The following CSMD1 variants were observed in gnomAD, a reference collection of about 807,000 sequenced individuals.
CSMD1 encodes CUB and Sushi multiple domains 1.
Under a neutral mutation model 417.5 loss-of-function variants are expected in CSMD1, and 213 were observed. The observed-to-expected ratio is 0.51, with a 90% CI of 0.46 to 0.57. The LOEUF is 0.57. Among genes scored for constraint, CSMD1 ranks in the 20% least tolerant of loss-of-function variants. CSMD1 has a pLI of 0.00. For synonymous variants in CSMD1, 2,862 were observed against 1,736.8 expected (o/e 1.65, Z -16.11); for missense variants, 6,923 against 4,529.7 (o/e 1.53, Z -15.17).
chr8:2,957,929 G>C, intron 62 of CSMD1, 122 bp from the exon 63 acceptor site: 6 of 665,194 alleles, frequency 9.0e-6, no homozygotes, highest in Non-Finnish European at 1.6e-5. Context: ...TTAATGTCAA[G>C]CCACTGTCTA....
intron 3 of CSMD1, among the ~76,000 whole-genome samples, chr8:4,320,908 G>C (rs146071216): frequency 1.3e-5 from 2 of 152,182 alleles, no homozygotes; most frequent in East Asian, 3.9e-4. Context: ...TTCACTTATA[G>C]TATCTTCTTC....
At chr8:3,669,856 G>T (rs113866639) in intron 7 of CSMD1, among the ~76,000 whole-genome samples, 1 of 152,116 alleles carries the variant, frequency 6.6e-6, no homozygotes, top group African/African-American at 2.4e-5. Flanking sequence ...GCCATGAACA[G>T]GAGGGGCCCA....
intron 1 of CSMD1, among the ~76,000 whole-genome samples, chr8:4,641,581 G>T (rs187427038): frequency 6.6e-6 from 1 of 152,148 alleles, no homozygotes; most frequent in Non-Finnish European, 1.5e-5. Flanking sequence ...GAAGTAAGTT[G>T]TCCAAAGTCT....
At chr8:3,936,828 G>A (rs753038487) in intron 5 of CSMD1, among the ~76,000 whole-genome samples, 6 of 152,184 alleles carry the variant, frequency 3.9e-5, no homozygotes, top group Non-Finnish European at 8.8e-5. Context: ...GGCTATTGCT[G>A]CATGGAGAGT....
At chr8:3,509,641 A>G (rs1165768181) in intron 10 of CSMD1, among the ~76,000 whole-genome samples, 1 of 152,256 alleles carries the variant, frequency 6.6e-6, no homozygotes, top group Non-Finnish European at 1.5e-5. Context: ...GGAAGAAGCT[A>G]TAAGATATCA....
At chr8:3,155,798 G>C (rs573229408) in intron 39 of CSMD1, among the ~76,000 whole-genome samples, 4 of 152,124 alleles carry the variant, frequency 2.6e-5, no homozygotes, top group Admixed American at 2.0e-4. Context: ...TTTTTCACTT[G>C]TAAGCAACTA....
intron 12 of CSMD1, among the ~76,000 whole-genome samples, chr8:3,447,283 A>C (rs1815363804): frequency 1.3e-5 from 2 of 152,202 alleles, no homozygotes; most frequent in African/African-American, 4.8e-5. Context: ...TTTCAATAGA[A>C]TTAAATATTT....
intron 3 of CSMD1, among the ~76,000 whole-genome samples, chr8:4,188,275 A>T (rs779091977): frequency 9.9e-5 from 15 of 152,210 alleles, no homozygotes; most frequent in Admixed American, 3.9e-4. Context: ...CGCTTGCCCT[A>T]GACGTCGGTC....
chr8:3,054,433 CATGGTGAAA>C, intron 49 of CSMD1, among the ~76,000 whole-genome samples: 1 of 152,186 alleles, frequency 6.6e-6, no homozygotes, highest in Non-Finnish European at 1.5e-5. Flanking sequence ...GCCTGGGCAA[CATGGTGAAA>C]CCCTGTCTCT....
chr8:4,145,917 T>C (rs184185450), intron 3 of CSMD1, among the ~76,000 whole-genome samples: 2 of 151,120 alleles, frequency 1.3e-5, no homozygotes, highest in East Asian at 1.9e-4. Flanking sequence ...TGGCACATGA[T>C]TGGCCCCATT....
intron 1 of CSMD1, among the ~76,000 whole-genome samples, chr8:4,663,872 A>T (rs928993076): frequency 6.6e-6 from 1 of 152,186 alleles, no homozygotes; most frequent in Non-Finnish European, 1.5e-5. Flanking sequence ...CCTGGGCTGG[A>T]TCAGGAAAAG....
At chr8:3,579,459 A>T (rs1800290420) in intron 9 of CSMD1, among the ~76,000 whole-genome samples, 1 of 152,228 alleles carries the variant, frequency 6.6e-6, no homozygotes, top group South Asian at 2.1e-4. Context: ...ATTAAATTTA[A>T]ATTAGTGGGA....
rs762202208 is a variant in CSMD1 at position 3,196,223 on chromosome 8, G to A, written c.5194+3491C>T. Among the ~76,000 whole-genome samples, 10 of 152,134 alleles carry A rather than the reference G, an allele frequency of 6.6e-5. No individual in the cohort carries two copies. In the East Asian group the frequency reaches 1.5e-3, roughly 23 times the overall value. On this transcript the variant is annotated intron_variant, in intron 33 of 69. Transcript: ENST00000635120. ...GACAGTTTACAAATGCCATGGCAAT[G>A]CCAGGAAGTTACCCTAAAGGGTCTA...
At chr8:4,375,738 G>A (rs974138836) in intron 3 of CSMD1, among the ~76,000 whole-genome samples, 1 of 152,114 alleles carries the variant, frequency 6.6e-6, no homozygotes, top group Non-Finnish European at 1.5e-5. Flanking sequence ...CTTCCCGACT[G>A]CCTGCACCAT....
chr8:3,439,281 G>GTATATATATATATATATATATA lies in CSMD1; in HGVS notation c.1561+29409_1561+29430dup, dbSNP rs1168340584. On this transcript the variant is annotated intron_variant, in intron 12 of 69. Transcript: ENST00000635120. ...TATTTGAGAGCATTTGGCAATGTCAGTATATATATATATATATATATATAT... is the reference window on the plus strand; with the variant it reads ...TATTTGAGAGCATTTGGCAATGTCAGTATATATATATATATATATATATATATATATATATATATATATATAT... Among the ~76,000 whole-genome samples the GTATATATATATATATATATATA allele has an allele frequency of 6.1e-4, 33 of 54,300 alleles. 1 individual carries two copies. Among genetic ancestry groups the GTATATATATATATATATATATA allele is most frequent in the East Asian group, 3.3e-3 (6 of 1,804 alleles). 35.6% of individuals were successfully genotyped at this position (54,300 alleles called of 152,430 possible). A position where few individuals can be genotyped will look rare whatever the true frequency, so the allele number is the denominator to read the frequency against.
chr8:3,564,167 C>G (rs1477069680), intron 10 of CSMD1, among the ~76,000 whole-genome samples: 1 of 152,062 alleles, frequency 6.6e-6, no homozygotes, highest in African/African-American at 2.4e-5. Context: ...TTATTTTCTT[C>G]TAGCTATTTT....
chr8:3,012,321 G>T (rs1297447048), intron 52 of CSMD1, among the ~76,000 whole-genome samples: 1 of 152,126 alleles, frequency 6.6e-6, no homozygotes, highest in Non-Finnish European at 1.5e-5. Context: ...CTTAAATACA[G>T]CTGTCCTATA....
intron 25 of CSMD1, among the ~76,000 whole-genome samples, chr8:3,298,795 G>A (rs1162088137): frequency 1.3e-5 from 2 of 152,118 alleles, no homozygotes; most frequent in Admixed American, 6.5e-5. Flanking sequence ...AAACTCTTCT[G>A]AAGTCTTAAT....
At chr8:3,308,177 T>G in intron 24 of CSMD1, 135 bp downstream of exon 24, 2 of 700,390 alleles carry the variant, frequency 2.9e-6, no homozygotes, top group East Asian at 5.5e-5. Context: ...CGTGCAAATC[T>G]CAGAATACAT....
Sources: gnomAD v4.1 joint callset for allele counts (sites outside exome capture counted in the v4.1 genomes callset) on GRCh38, gnomAD v4.1.1 for gene constraint, MANE v1.5 for transcripts, NCBI Gene and HGNC (gene_info 2026-07-23, HGNC 2026-07-21) for gene names.